Variants in GPC5 observed in about 807,000 individuals in gnomAD.
The protein encoded by GPC5 is glypican-5.
Under a neutral mutation model 53.9 loss-of-function variants are expected in GPC5, and 47 were observed. That is an observed-to-expected ratio of 0.87 (90% confidence interval 0.69 to 1.11). The LOEUF is 1.11. Among genes scored for constraint, GPC5 ranks in the 50% most tolerant of loss-of-function variants. GPC5 has a pLI of 0.00. For synonymous variants in GPC5, 286 were observed against 263.3 expected (o/e 1.09, Z -0.84); for missense variants, 748 against 713.1 (o/e 1.05, Z -0.56).
intron 7 of GPC5, among the ~76,000 whole-genome samples, chr13:92,233,870 CATT>C (rs2042549987): frequency 6.6e-6 from 1 of 151,758 alleles, no homozygotes; most frequent in Non-Finnish European, 1.5e-5. Context: ...CATGTGTTCT[CATT>C]GTTCAATTCC....
intron 2 of GPC5, among the ~76,000 whole-genome samples, chr13:91,618,306 T>C (rs1383290289): frequency 6.6e-6 from 1 of 152,156 alleles, no homozygotes; most frequent in Non-Finnish European, 1.5e-5. Context: ...ATTTTCTTTA[T>C]ATACAATTGC....
At chr13:92,457,796 T>C (rs1314515077) in intron 7 of GPC5, among the ~76,000 whole-genome samples, 1 of 152,206 alleles carries the variant, frequency 6.6e-6, no homozygotes, top group East Asian at 1.9e-4. Flanking sequence ...TACATTATCC[T>C]GCCATACATC....
chr13:91,500,101 C>T (rs1310493351), intron 2 of GPC5, among the ~76,000 whole-genome samples: 1 of 152,128 alleles, frequency 6.6e-6, no homozygotes, highest in East Asian at 1.9e-4. Flanking sequence ...TTTGTCTGTC[C>T]TGTATCAAAT....
At chr13:91,989,343 G>A (rs896273950) in intron 6 of GPC5, among the ~76,000 whole-genome samples, 4 of 152,170 alleles carry the variant, frequency 2.6e-5, no homozygotes, top group Non-Finnish European at 2.9e-5. Flanking sequence ...CTCTAAACAT[G>A]TAAGATGAAT....
intron 7 of GPC5, among the ~76,000 whole-genome samples, chr13:92,166,659 T>G (rs570398475): frequency 1.3e-5 from 2 of 152,214 alleles, no homozygotes; most frequent in South Asian, 4.1e-4. Context: ...TTTGTGCTTG[T>G]GCTGAATAAT....
At chr13:91,930,622 C>T (rs1015700790) in intron 6 of GPC5, among the ~76,000 whole-genome samples, 2 of 151,936 alleles carry the variant, frequency 1.3e-5, no homozygotes, top group African/African-American at 2.4e-5. Flanking sequence ...TTCCACCTAA[C>T]ACATGGCAGC....
chr13:92,244,654 C>T (rs1345460612), intron 7 of GPC5, among the ~76,000 whole-genome samples: 5 of 152,154 alleles, frequency 3.3e-5, no homozygotes, highest in Admixed American at 3.3e-4. Context: ...CCAAACCACT[C>T]ACACAATGCA....
At chr13:91,952,297 GT>G (rs1322948034) in intron 6 of GPC5, among the ~76,000 whole-genome samples, 1 of 152,032 alleles carries the variant, frequency 6.6e-6, no homozygotes, top group Non-Finnish European at 1.5e-5. Flanking sequence ...TTCATTAGAT[GT>G]TAGCACCACT....
intron 7 of GPC5, among the ~76,000 whole-genome samples, chr13:92,515,525 A>G (rs999906501): frequency 5.3e-5 from 8 of 152,220 alleles, no homozygotes; most frequent in African/African-American, 1.9e-4. Flanking sequence ...CTATGTACAT[A>G]CAACTGAGAA....
intron 7 of GPC5, among the ~76,000 whole-genome samples, chr13:92,691,335 GCGTC>G (rs1193273679): frequency 1.5e-5 from 2 of 137,840 alleles, no homozygotes; most frequent in Non-Finnish European, 3.1e-5. Context: ...TTTTCCAGGT[GCGTC>G]CGTCACCCCT....
intron 2 of GPC5, among the ~76,000 whole-genome samples, chr13:91,606,709 T>C (rs2033380488): frequency 6.6e-6 from 1 of 150,518 alleles, no homozygotes; most frequent in Admixed American, 6.6e-5. Flanking sequence ...CAGGAATTTA[T>C]CCATTTCTTC....
intron 6 of GPC5, among the ~76,000 whole-genome samples, chr13:91,909,488 A>G (rs1188405081): frequency 6.6e-6 from 1 of 152,188 alleles, no homozygotes; most frequent in African/African-American, 2.4e-5. Flanking sequence ...CCTTAAGTGT[A>G]TATTTATTCA....
chr13:92,535,627 T>C (rs1881700776), intron 7 of GPC5, among the ~76,000 whole-genome samples: 1 of 151,598 alleles, frequency 6.6e-6, no homozygotes, highest in Non-Finnish European at 1.5e-5. Flanking sequence ...CAAATAGAAA[T>C]TTTAAGCTTT....
chr13:92,113,207 T>G (rs571858708), intron 6 of GPC5, among the ~76,000 whole-genome samples: 1 of 152,272 alleles, frequency 6.6e-6, no homozygotes, highest in South Asian at 2.1e-4. Flanking sequence ...CCATTTTAAA[T>G]AATGATATTT....
At chr13:92,798,799 CCAAA>C (rs1876797801) in intron 7 of GPC5, among the ~76,000 whole-genome samples, 1 of 151,714 alleles carries the variant, frequency 6.6e-6, no homozygotes, top group Non-Finnish European at 1.5e-5. Context: ...AACAAAAATA[CCAAA>C]CACTCAAAAT....
rs73620891 is a variant in GPC5, at chr13:92,161,566, G to A, written c.1561+16577G>A. Among the ~76,000 whole-genome samples, 900 of 152,158 alleles carry A rather than the reference G, an allele frequency of 5.9e-3. 17 individuals are homozygous for A. The highest frequency in any genetic ancestry group is 0.021 in the African/African-American group (863 of 41,528). ...AAGATCAAAACTGAGTTAAAATACA[G>A]AGTAAATTTGATAAGTATAGTTTTC... is the stretch of plus-strand genomic sequence containing the variant. On this transcript the variant is annotated intron_variant, in intron 7 of 7. Coordinates refer to ENST00000377067, the MANE Select transcript of GPC5 (RefSeq NM_004466.6).
At chr13:92,066,981 C>T (rs531092705) in intron 6 of GPC5, among the ~76,000 whole-genome samples, 1 of 151,936 alleles carries the variant, frequency 6.6e-6, no homozygotes, top group Non-Finnish European at 1.5e-5. Flanking sequence ...AAGCTTTTTC[C>T]CCTAGCAATA....
At chr13:91,513,558 T>C (rs1413573027) in intron 2 of GPC5, among the ~76,000 whole-genome samples, 1 of 151,984 alleles carries the variant, frequency 6.6e-6, no homozygotes, top group Non-Finnish European at 1.5e-5. Context: ...CTGGCCAACA[T>C]AGTGAAACCC....
intron 7 of GPC5, among the ~76,000 whole-genome samples, chr13:92,553,325 C>G (rs1882385501): frequency 6.6e-6 from 1 of 151,920 alleles, no homozygotes; most frequent in South Asian, 2.1e-4. Context: ...ATTGCCTATG[C>G]CATTATTGTA....
Sources: gnomAD v4.1 joint callset for allele counts (sites outside exome capture counted in the v4.1 genomes callset) on GRCh38, gnomAD v4.1.1 for gene constraint, MANE v1.5 for transcripts, NCBI Gene and HGNC (gene_info 2026-07-23, HGNC 2026-07-21) for gene names.